Variants in HDAC8 observed in about 807,000 individuals in gnomAD.
HDAC8 encodes the protein histone deacetylase-like 1.
Under a neutral mutation model 32.2 loss-of-function variants are expected in HDAC8, and 1 was observed. That is an observed-to-expected ratio of 0.03 (90% CI 0.01 to 0.15). The LOEUF is 0.15. Ranked by LOEUF, HDAC8 falls within the 10% of genes least tolerant of loss-of-function variation. HDAC8 has a pLI of 1.00. For synonymous variants in HDAC8, 108 were observed against 113.9 expected, an observed-to-expected ratio of 0.95 and a Z score of 0.33; for missense variants, 117 against 300.0, an observed-to-expected ratio of 0.39 and a Z score of 4.51.
At chrX:72,500,808 C>G (rs1311015294) in intron 4 of HDAC8, among the ~76,000 whole-genome samples, 1 of 111,609 alleles carries the variant, frequency 9.0e-6, no homozygotes, top group Non-Finnish European at 1.9e-5. Context: ...AATGGGCATC[C>G]AAATAGGAAG....
chrX:72,443,908 C>T (rs2047271557), intron 9 of HDAC8, among the ~76,000 whole-genome samples: 1 of 109,104 alleles, frequency 9.2e-6, no homozygotes, highest in Non-Finnish European at 1.9e-5. Flanking sequence ...CTACAAACAC[C>T]TCTATGCAAA....
In HDAC8 at chrX:72,426,770, G is replaced by A. The variant is rs181179734; in HGVS notation, c.1005+35234C>T. ...CTACTAGACTGAACTGTGTTATCCC[G>A]GAATTCATATGTTGAAGCCCTAACC... On this transcript the variant is annotated intron_variant, in intron 9 of 10. Transcript: ENST00000373573. 1.3e-3 allele frequency among the ~76,000 whole-genome samples: 145 copies of A among 110,388 alleles called. 2 individuals are homozygous for A. Among genetic ancestry groups the A allele is most frequent in the African/African-American group, 4.2e-3 (129 of 30,368 alleles).
At position 72,459,129 on chromosome X, in the gene HDAC8, C is replaced by T. The variant is rs1466353962; in HGVS notation, c.1005+2875G>A. 2.7e-5 allele frequency among the ~76,000 whole-genome samples: 3 copies of T among 111,819 alleles called. No individual in the cohort carries two copies. In the East Asian group the frequency reaches 8.4e-4, roughly 31 times the overall value. On this transcript the variant is annotated intron_variant, in intron 9 of 10. Transcript: ENST00000373573. ...GTTGAAACATATCCCCTATGGTCCT[C>T]ATCTGTCCTGGATGTGAGCACATTG...
chrX:72,473,763 T>C (rs909237306), intron 7 of HDAC8: 46 of 753,088 alleles, frequency 6.1e-5, no homozygotes, highest in Middle Eastern at 7.6e-4. Context: ...GCCAAAACTT[T>C]ACTGGGAAGA....
intron 10 of HDAC8, among the ~76,000 whole-genome samples, chrX:72,347,372 C>T (rs927433532): frequency 1.8e-5 from 2 of 111,452 alleles, no homozygotes; most frequent in Non-Finnish European, 3.8e-5. Context: ...TCCTTACTTC[C>T]TGACCTTGTT....
At chrX:72,533,224 A>C (rs1186436163) in intron 4 of HDAC8, among the ~76,000 whole-genome samples, 1 of 111,920 alleles carries the variant, frequency 8.9e-6, no homozygotes, top group African/African-American at 3.2e-5. Context: ...CTATGTATCT[A>C]TCCTTATGCC....
intron 9 of HDAC8, among the ~76,000 whole-genome samples, chrX:72,404,821 T>C (rs1483143418): frequency 9.0e-6 from 1 of 110,989 alleles, no homozygotes; most frequent in Non-Finnish European, 1.9e-5. Flanking sequence ...TTCTGTAGTT[T>C]GATTATAATG....
intron 8 of HDAC8, among the ~76,000 whole-genome samples, chrX:72,462,822 A>G (rs1555992268): frequency 8.9e-6 from 1 of 112,121 alleles, no homozygotes; most frequent in African/African-American, 3.2e-5. Flanking sequence ...GCTAAATTCT[A>G]AGAGTATAAG....
At chrX:72,551,951 C>T (rs1358455500) in intron 4 of HDAC8, among the ~76,000 whole-genome samples, 1 of 111,769 alleles carries the variant, frequency 8.9e-6, no homozygotes, top group Admixed American at 9.5e-5. Context: ...ATTTTCTATC[C>T]CCACCAATGG....
At chrX:72,408,255 G>C (rs1177059423) in intron 9 of HDAC8, among the ~76,000 whole-genome samples, 1 of 111,602 alleles carries the variant, frequency 9.0e-6, no homozygotes, top group Non-Finnish European at 1.9e-5. Context: ...GAAAAAGAGT[G>C]ATTGGGAGTG....
chrX:72,455,717 T>C (rs2047700707), intron 9 of HDAC8, among the ~76,000 whole-genome samples: 1 of 112,211 alleles, frequency 8.9e-6, no homozygotes, highest in Non-Finnish European at 1.9e-5. Context: ...CTTAAGCTTT[T>C]TTTCCAGTGA....
In HDAC8 at chrX:72,417,730, T is replaced by C. The variant is rs782347305; in HGVS notation, c.1005+44274A>G. On this transcript the variant is annotated intron_variant, in intron 9 of 10. Transcript: ENST00000373573. ...TATAAAAACACTGTTCTAAAATTCA[T>C]GTAAATCCAAAAAGGAGCCCGAATA... Among the ~76,000 whole-genome samples, 195 of 112,033 alleles carry C rather than the reference T, an allele frequency of 1.7e-3. 1 individual carries two copies. Among genetic ancestry groups the C allele is most frequent in the African/African-American group, 6.0e-3 (185 of 30,991 alleles).
At position 72,561,587 on chromosome X, in the gene HDAC8, G is replaced by T. The variant is rs188581014; in HGVS notation, c.437+6302C>A. 1.0e-3 allele frequency among the ~76,000 whole-genome samples: 114 copies of T among 112,369 alleles called. 1 individual carries two copies. The highest frequency in any genetic ancestry group is 1.6e-3 in the Non-Finnish European group (86 of 53,266). On this transcript the variant is annotated intron_variant, in intron 4 of 10. Transcript: ENST00000373573. ...ACCTGAAACTATAAAAATTCTAGAA[G>T]ATAACATTGGAAAAACCCTTCTAGA...
chrX:72,478,152 C>T lies in HDAC8; in HGVS notation c.737+10781G>A, dbSNP rs530065285. On this transcript the variant is annotated intron_variant, in intron 7 of 10. Coordinates refer to ENST00000373573, the MANE Select transcript of HDAC8 (RefSeq NM_018486.3). ...AGGACTGCACGGGGGAATGTTTGTC[C>T]TACTTAGGAGAATAAACTTTTTATG... 8.9e-5 allele frequency among the ~76,000 whole-genome samples: 10 copies of T among 112,249 alleles called. No individual in the cohort carries two copies. In the South Asian group the frequency reaches 3.7e-3, roughly 42 times the overall value.
At chrX:72,487,057 G>T (rs1223887944) in intron 7 of HDAC8, among the ~76,000 whole-genome samples, 1 of 112,107 alleles carries the variant, frequency 8.9e-6, no homozygotes, top group African/African-American at 3.2e-5. Context: ...ATAAACTGAT[G>T]AGTGTCTGGT....
rs149957167 is a variant in HDAC8 at position 72,494,557 on chromosome X, A to G, written c.550+599T>C. 5.8e-3 allele frequency among the ~76,000 whole-genome samples: 642 copies of G among 111,552 alleles called. 3 individuals carry two copies. Among genetic ancestry groups the G allele is most frequent in the Non-Finnish European group, 8.5e-3 (453 of 53,051 alleles). ...TCTACATTCTAGATGGAAAATACATAGGAGGGTCGGATAAATCCTGTCAGT... is the reference window on the plus strand; with the variant it reads ...TCTACATTCTAGATGGAAAATACATGGGAGGGTCGGATAAATCCTGTCAGT... On this transcript the variant is annotated intron_variant, in intron 5 of 10. Transcript: ENST00000373573.
chrX:72,526,118 C>T (rs977717151), intron 4 of HDAC8, among the ~76,000 whole-genome samples: 1 of 111,122 alleles, frequency 9.0e-6, no homozygotes, highest in African/African-American at 3.3e-5. Context: ...ACTACCTGAA[C>T]ATGGTATTTA....
chrX:72,546,254 G>C (rs2147477938), intron 4 of HDAC8, among the ~76,000 whole-genome samples: 1 of 111,317 alleles, frequency 9.0e-6, no homozygotes, highest in East Asian at 2.9e-4. Context: ...GCATTCCATG[G>C]GAGAGTAATT....
At chrX:72,407,036 C>T (rs1017664390) in intron 9 of HDAC8, among the ~76,000 whole-genome samples, 1 of 112,601 alleles carries the variant, frequency 8.9e-6, no homozygotes, top group African/African-American at 3.2e-5. Flanking sequence ...TCTACAAGGA[C>T]CATGTGGTAG....
Sources: gnomAD v4.1 joint callset for allele counts (sites outside exome capture counted in the v4.1 genomes callset) on GRCh38, gnomAD v4.1.1 for gene constraint, MANE v1.5 for transcripts, NCBI Gene and HGNC (gene_info 2026-07-23, HGNC 2026-07-21) for gene names.